The following JAKMIP2 variants were observed in gnomAD, a reference collection of about 807,000 sequenced individuals.
JAKMIP2 encodes the protein janus kinase and microtubule interacting protein 2.
In JAKMIP2, 25 loss-of-function variants were observed where a neutral mutation model predicts 115.0. The observed-to-expected ratio is 0.22, with a 90% CI of 0.16 to 0.30. The LOEUF (loss-of-function observed/expected upper bound fraction) is 0.30, where lower values mean the gene tolerates loss of function less well. JAKMIP2 is among the 10% of genes least tolerant of loss of function. The probability of loss-of-function intolerance (pLI) is 1.00; values close to 1 mark genes in which losing one functional copy is unlikely to be tolerated. For missense variants in JAKMIP2, 642 were observed against 957.6 expected, an observed-to-expected ratio of 0.67 and a Z score of 4.35; for synonymous variants, 334 against 343.6, an observed-to-expected ratio of 0.97 and a Z score of 0.31.
intron 1 of JAKMIP2, among the ~76,000 whole-genome samples, chr5:147,765,702 A>G (rs1291220492): frequency 6.6e-6 from 1 of 152,244 alleles, no homozygotes; most frequent in South Asian, 2.1e-4. Flanking sequence ...GTTCATTGGC[A>G]AAATCTTGGG....
At chr5:147,680,499 G>C (rs1195187601) in intron 1 of JAKMIP2, among the ~76,000 whole-genome samples, 1 of 150,082 alleles carries the variant, frequency 6.7e-6, no homozygotes. Context: ...AAATAGTTGC[G>C]TTCACATGTA....
intron 16 of JAKMIP2, among the ~76,000 whole-genome samples, chr5:147,625,370 C>G (rs1757049913): frequency 6.6e-6 from 1 of 152,116 alleles, no homozygotes; most frequent in African/African-American, 2.4e-5. Context: ...CAAGGGGATA[C>G]CATGTTCAAC....
intron 10 of JAKMIP2, 147 bp from the exon 11 acceptor site, chr5:147,637,195 T>A: frequency 1.6e-6 from 1 of 638,882 alleles, no homozygotes. Flanking sequence ...AATTCTTGTT[T>A]AAAACTCCCT....
Position 147,698,785 on chromosome 5 carries a change from T to A in JAKMIP2, c.-148-26831A>T, listed in dbSNP as rs1347847553. Reference sequence around the variant, plus strand: ...GAGTCAATTAAACCTCTTTCTTTCATAAACTACCCAGTCTCAGGTATTTCT... The same window carrying A: ...GAGTCAATTAAACCTCTTTCTTTCAAAAACTACCCAGTCTCAGGTATTTCT... On this transcript the variant is annotated intron_variant, in intron 1 of 21. Transcript: ENST00000616793. Among the ~76,000 whole-genome samples the A allele has an allele frequency of 6.6e-5, 10 of 152,190 alleles. No homozygotes were observed. In the East Asian group the frequency reaches 1.9e-3, roughly 29 times the overall value.
intron 19 of JAKMIP2, among the ~76,000 whole-genome samples, chr5:147,617,161 G>A (rs1756627552): frequency 6.6e-6 from 1 of 152,102 alleles, no homozygotes; most frequent in East Asian, 1.9e-4. Flanking sequence ...ATTAGTAGTG[G>A]GTGCCTATTT....
At chr5:147,687,733 T>C (rs1326044499) in intron 1 of JAKMIP2, among the ~76,000 whole-genome samples, 1 of 152,210 alleles carries the variant, frequency 6.6e-6, no homozygotes, top group Non-Finnish European at 1.5e-5. Flanking sequence ...AAGACAATTC[T>C]ATTTTCTCAA....
In JAKMIP2 at chr5:147,671,754, G is replaced by A; in HGVS notation, c.53C>T (p.Ala18Val). 3.1e-6 allele frequency: 5 copies of A among 1,591,274 alleles called. No individual in the cohort carries two copies. The highest frequency in any genetic ancestry group is 4.3e-6 in the Non-Finnish European group (5 of 1,168,034). The part of the protein sequence containing the change: ...KGEKPEALIV[A>V]LQAANEDLRT... ...GAGGTCTTCATTGGCAGCTTGAAGG[G>A]CAACAATGAGTGCCTCGGGCTTCTC... The change falls in exon 2 of 22, where the codon GCC becomes GTC. Residue 18 changes from alanine to valine, a missense_variant. Physicochemically the swap from Ala to Val is moderately conservative, Grantham distance 64. This residue lies in a region of JAKMIP2 where 439 missense variants were observed against 570.9 expected (regional missense o/e 0.77). Coordinates refer to ENST00000616793, the MANE Select transcript of JAKMIP2 (RefSeq NM_001270941.2).
intron 1 of JAKMIP2, among the ~76,000 whole-genome samples, chr5:147,678,719 T>C (rs1470342773): frequency 6.6e-6 from 1 of 152,166 alleles, no homozygotes; most frequent in Non-Finnish European, 1.5e-5. Context: ...AGGGGATAGA[T>C]ATCCCATTCT....
intron 20 of JAKMIP2, among the ~76,000 whole-genome samples, chr5:147,611,837 T>C (rs1756343367): frequency 6.6e-6 from 1 of 152,158 alleles, no homozygotes; most frequent in African/African-American, 2.4e-5. Flanking sequence ...TTGAGATCAC[T>C]GGGGAAGTGA....
chr5:147,754,299 C>T (rs1270485902), intron 1 of JAKMIP2, among the ~76,000 whole-genome samples: 2 of 152,106 alleles, frequency 1.3e-5, no homozygotes, highest in Non-Finnish European at 2.9e-5. Context: ...TAATGAATGA[C>T]TATTATATGC....
At chr5:147,744,819 GGA>G (rs1249450542) in intron 1 of JAKMIP2, among the ~76,000 whole-genome samples, 1 of 152,020 alleles carries the variant, frequency 6.6e-6, no homozygotes, top group Non-Finnish European at 1.5e-5. Context: ...CAGCACTTTG[GGA>G]GGCCAAGGTG....
intron 1 of JAKMIP2, among the ~76,000 whole-genome samples, chr5:147,702,728 G>A (rs1431453876): frequency 6.6e-6 from 1 of 151,732 alleles, no homozygotes; most frequent in Non-Finnish European, 1.5e-5. Flanking sequence ...GAAGCCAAGG[G>A]GGAAAGAGAC....
intron 1 of JAKMIP2, among the ~76,000 whole-genome samples, chr5:147,702,678 G>A (rs1441785874): frequency 6.6e-5 from 9 of 137,116 alleles, no homozygotes; most frequent in African/African-American, 2.6e-4. Flanking sequence ...GAGAAAGAAA[G>A]AGAAAGAAAG....
At chr5:147,714,627 A>G (rs190387204) in intron 1 of JAKMIP2, among the ~76,000 whole-genome samples, 142 of 152,322 alleles carry the variant, frequency 9.3e-4, no homozygotes, top group Admixed American at 4.4e-3. Context: ...CAAGAATCCC[A>G]GTGAATACCA....
At chr5:147,732,783 TG>T (rs1311156476) in intron 1 of JAKMIP2, among the ~76,000 whole-genome samples, 1 of 152,206 alleles carries the variant, frequency 6.6e-6, no homozygotes, top group Non-Finnish European at 1.5e-5. Flanking sequence ...GTCTCACAGC[TG>T]GGATCACACG....
chr5:147,733,883 G>A (rs1409130919), intron 1 of JAKMIP2, among the ~76,000 whole-genome samples: 1 of 152,136 alleles, frequency 6.6e-6, no homozygotes, highest in Non-Finnish European at 1.5e-5. Flanking sequence ...ACTTGGGTTG[G>A]TTCCAAGTCT....
chr5:147,666,259 G>T (rs903909386), intron 2 of JAKMIP2, among the ~76,000 whole-genome samples: 2 of 152,126 alleles, frequency 1.3e-5, no homozygotes, highest in East Asian at 3.8e-4. Context: ...TTGCAGTGCA[G>T]ATGGCACCAC....
At chr5:147,767,088 G>T (rs1039521981) in intron 1 of JAKMIP2, among the ~76,000 whole-genome samples, 1 of 152,116 alleles carries the variant, frequency 6.6e-6, no homozygotes, top group Non-Finnish European at 1.5e-5. Context: ...GGATTGAATA[G>T]TTAGCCTGGC....
At chr5:147,767,203 C>T (rs1261801302) in intron 1 of JAKMIP2, among the ~76,000 whole-genome samples, 1 of 152,108 alleles carries the variant, frequency 6.6e-6, no homozygotes, top group Non-Finnish European at 1.5e-5. Flanking sequence ...CACGCACACA[C>T]ACATATACAC....
Sources: gnomAD v4.1 joint callset for allele counts (sites outside exome capture counted in the v4.1 genomes callset) on GRCh38, gnomAD v4.1.1 for gene constraint, gnomAD v4.1.1 regional missense constraint, MANE v1.5 for transcripts, NCBI Gene and HGNC (gene_info 2026-07-23, HGNC 2026-07-21) for gene names.